Variants in EYA3 observed in about 807,000 individuals in gnomAD.
The protein encoded by EYA3 is protein phosphatase EYA3.
In EYA3, 39 loss-of-function variants were observed where a neutral mutation model predicts 80.0. That is an observed-to-expected ratio of 0.49 (90% confidence interval 0.38 to 0.64). EYA3 has a LOEUF of 0.64. Among genes scored for constraint, EYA3 ranks in the 30% least tolerant of loss-of-function variants. The pLI, the probability that EYA3 is intolerant of heterozygous loss-of-function variation, is 0.00. For missense variants in EYA3, 523 were observed against 676.1 expected, an observed-to-expected ratio of 0.77 and a Z score of 2.51; for synonymous variants, 206 against 232.8, an observed-to-expected ratio of 0.88 and a Z score of 1.05.
At chr1:28,027,679 A>G (rs1268934916) in intron 7 of EYA3, 110 bp downstream of exon 7, 8 of 1,390,942 alleles carry the variant, frequency 5.8e-6, no homozygotes, top group Admixed American at 3.8e-5. Flanking sequence ...TCTACTTTAG[A>G]AGACAGAGCT....
At chr1:28,000,086 A>G in intron 11 of EYA3, 37 bp from the exon 12 acceptor site, 3 of 1,463,668 alleles carry the variant, frequency 2.0e-6, no homozygotes, top group Non-Finnish European at 2.8e-6. Flanking sequence ...TTGACTTGGT[A>G]GTCACAGTCC....
chr1:28,086,039 G>A (rs1645639138), intron 1 of EYA3, among the ~76,000 whole-genome samples: 1 of 152,094 alleles, frequency 6.6e-6, no homozygotes, highest in African/African-American at 2.4e-5. Context: ...CCATGTCACA[G>A]ATTTCTTATC....
chr1:28,073,751 T>C (rs1645111925), intron 1 of EYA3, among the ~76,000 whole-genome samples: 1 of 152,172 alleles, frequency 6.6e-6, no homozygotes, highest in Non-Finnish European at 1.5e-5. Flanking sequence ...TATCTCGATG[T>C]GGTTTTACAA....
At chr1:28,047,687 G>A (rs1299690618) in intron 3 of EYA3, among the ~76,000 whole-genome samples, 2 of 147,444 alleles carry the variant, frequency 1.4e-5, no homozygotes, top group Non-Finnish European at 3.0e-5. Context: ...CGCCCAGGCT[G>A]GAGTGCAGTG....
intron 7 of EYA3, 99 bp from the exon 8 acceptor site, chr1:28,017,338 G>T: frequency 1.2e-6 from 1 of 820,248 alleles, no homozygotes; most frequent in Non-Finnish European, 1.9e-6. Flanking sequence ...TTTATAAGGA[G>T]ATAAACAACA....
chr1:28,004,501 T>A, intron 10 of EYA3, 82 bp from the exon 11 acceptor site: 1 of 983,086 alleles, frequency 1.0e-6, no homozygotes, highest in Non-Finnish European at 1.6e-6. Context: ...GAAAGAGAAC[T>A]GGGAAATTCA....
Position 28,016,893 on chromosome 1 carries a change from G to A in EYA3, c.585+261C>T, listed in dbSNP as rs144685963. ...CTTCATGCAGCTTACATTCTAGTAG[G>A]GGCAGAGTAGGAAGTGAAGACAAAT... On this transcript the variant is annotated intron_variant, in intron 8 of 17. Transcript: ENST00000373871. Among the ~76,000 whole-genome samples the A allele has an allele frequency of 4.6e-3, 694 of 152,272 alleles. 8 individuals are homozygous for A. Among genetic ancestry groups the A allele is most frequent in the African/African-American group, 0.016 (653 of 41,552 alleles).
chr1:28,081,041 G>A (rs1645407600), intron 1 of EYA3, among the ~76,000 whole-genome samples: 1 of 152,116 alleles, frequency 6.6e-6, no homozygotes. Context: ...ACAGGCATGA[G>A]CCACTGCGCC....
intron 1 of EYA3, among the ~76,000 whole-genome samples, chr1:28,072,310 T>C (rs1645043924): frequency 6.6e-6 from 1 of 152,034 alleles, no homozygotes; most frequent in South Asian, 2.1e-4. Context: ...AAGATATTAG[T>C]AGAAAAAGTA....
intron 1 of EYA3, among the ~76,000 whole-genome samples, chr1:28,085,287 C>CA (rs1557660781): frequency 6.6e-6 from 1 of 151,932 alleles, no homozygotes; most frequent in Non-Finnish European, 1.5e-5. Flanking sequence ...TCTGCCTCTC[C>CA]AAAAAAATTT....
At position 28,021,202 on chromosome 1, in the gene EYA3, C is replaced by G. The variant is rs113987457; in HGVS notation, c.500-3963G>C. ...TGTCTTTCTTTAAGTTACTCAAAAC[C>G]GGACAAGCTCTTTATCATTTGAGGA... On this transcript the variant is annotated intron_variant, in intron 7 of 17. Transcript: ENST00000373871. 7.7e-3 allele frequency among the ~76,000 whole-genome samples: 1,169 copies of G among 152,276 alleles called. 10 individuals are homozygous for G. Among genetic ancestry groups the G allele is most frequent in the Middle Eastern group, 0.051 (15 of 294 alleles).
chr1:28,052,481 C>T (rs906844958), intron 2 of EYA3, among the ~76,000 whole-genome samples: 1 of 152,152 alleles, frequency 6.6e-6, no homozygotes, highest in African/African-American at 2.4e-5. Flanking sequence ...AAATTATTTT[C>T]AGCAAAAGTG....
chr1:28,002,462 T>C (rs775911613), intron 11 of EYA3, among the ~76,000 whole-genome samples: 39 of 151,408 alleles, frequency 2.6e-4, no homozygotes, highest in Non-Finnish European at 4.1e-4. Context: ...TTATAATCAG[T>C]TTAGTTATAT....
Position 27,988,366 on chromosome 1 carries a change from A to G in EYA3, c.1540+169T>C, listed in dbSNP as rs1571722046. 1.3e-5 allele frequency: 9 copies of G among 670,648 alleles called. No homozygotes were observed. The East Asian group carries it at 1.7e-4, about 13-fold the overall frequency. The allele number at this position is 670,648 out of a possible 1,614,324, so 41.5% of individuals were successfully genotyped here. A position where few individuals can be genotyped will look rare whatever the true frequency, so the allele number is the denominator to read the frequency against. On this transcript the variant is annotated intron_variant, in intron 16 of 17. Transcript: ENST00000373871. ...AGCTGTGAGAACCTGAGCAAGCTAT[A>G]TAACTACTAAGCCTCAATTGCATTA...
At chr1:28,023,996 T>C (rs1006010149) in intron 7 of EYA3, among the ~76,000 whole-genome samples, 1 of 152,186 alleles carries the variant, frequency 6.6e-6, no homozygotes, top group Non-Finnish European at 1.5e-5. Context: ...CTCAACAGTT[T>C]GGGAAGCCGA....
Position 28,077,190 on chromosome 1 carries a change from G to A in EYA3, c.-69+11334C>T, listed in dbSNP as rs544938094. 6.5e-5 allele frequency among the ~76,000 whole-genome samples: 9 copies of A among 138,790 alleles called. No homozygotes were observed. The East Asian group carries it at 1.9e-3, about 30-fold the overall frequency. The allele number at this position is 138,790 out of a possible 152,430, so 91.1% of individuals were successfully genotyped here. On this transcript the variant is annotated intron_variant, in intron 1 of 17. Transcript: ENST00000373871. Reference sequence around the variant, plus strand: ...GCAATCTCGGCTCACTGCAACCTCCGCCTCCTGGATTCAAGCGATTCTCCT... The same window carrying A: ...GCAATCTCGGCTCACTGCAACCTCCACCTCCTGGATTCAAGCGATTCTCCT...
At chr1:28,031,339 T>C (rs1643126966) in intron 6 of EYA3, among the ~76,000 whole-genome samples, 2 of 152,200 alleles carry the variant, frequency 1.3e-5, no homozygotes, top group South Asian at 4.1e-4. Flanking sequence ...TCCACAGCAC[T>C]ATTGCTCATA....
At chr1:28,065,139 T>C (rs1459453193) in intron 1 of EYA3, among the ~76,000 whole-genome samples, 1 of 152,232 alleles carries the variant, frequency 6.6e-6, no homozygotes, top group Admixed American at 6.5e-5. Context: ...TATATACCTA[T>C]GATAAATTTT....
At chr1:28,078,532 T>G (rs1031812721) in intron 1 of EYA3, among the ~76,000 whole-genome samples, 1 of 151,768 alleles carries the variant, frequency 6.6e-6, no homozygotes, top group African/African-American at 2.4e-5. Flanking sequence ...TTTAATATAT[T>G]AACTATTTCT....
Sources: gnomAD v4.1 joint callset for allele counts (sites outside exome capture counted in the v4.1 genomes callset) on GRCh38, gnomAD v4.1.1 for gene constraint, MANE v1.5 for transcripts, NCBI Gene and HGNC (gene_info 2026-07-23, HGNC 2026-07-21) for gene names.